Variants in DDAH1 observed in about 807,000 individuals in gnomAD.
DDAH1 encodes N(G),N(G)-dimethylarginine dimethylaminohydrolase 1.
In DDAH1, 19 loss-of-function variants were observed where a neutral mutation model predicts 28.8. The observed-to-expected ratio is 0.66, with a 90% CI of 0.46 to 0.97. The LOEUF (loss-of-function observed/expected upper bound fraction) is 0.97, where lower values mean the gene tolerates loss of function less well. Ranked by LOEUF, DDAH1 falls within the 50% of genes least tolerant of loss-of-function variation. DDAH1 has a pLI of 0.00. For synonymous variants in DDAH1, 153 were observed against 154.4 expected (o/e 0.99, Z 0.07); for missense variants, 326 against 375.9 (o/e 0.87, Z 1.10).
chr1:85,552,539 C>T (rs1396989544), intron 1 of DDAH1, among the ~76,000 whole-genome samples: 1 of 152,162 alleles, frequency 6.6e-6, no homozygotes, highest in African/African-American at 2.4e-5. Flanking sequence ...CAAGGAAGCT[C>T]CCTTAATTCT....
chr1:85,428,584 A>G lies in DDAH1; in HGVS notation c.303+36159T>C, dbSNP rs1270090654. Among the ~76,000 whole-genome samples, 4 of 152,114 alleles carry G rather than the reference A, an allele frequency of 2.6e-5. No homozygotes were observed. The South Asian group carries it at 8.3e-4, about 32-fold the overall frequency. Reference sequence around the variant, plus strand: ...CAGCCAAACCATATCAGAGACAAACACTACTTAACAAGGGTAAGGTTGTTG... The same window carrying G: ...CAGCCAAACCATATCAGAGACAAACGCTACTTAACAAGGGTAAGGTTGTTG... On this transcript the variant is annotated intron_variant, in intron 1 of 5. Coordinates refer to ENST00000284031, the MANE Select transcript of DDAH1 (RefSeq NM_012137.4).
At chr1:85,528,676 C>A (rs535212902) in intron 1 of DDAH1, among the ~76,000 whole-genome samples, 1 of 151,986 alleles carries the variant, frequency 6.6e-6, no homozygotes, top group African/African-American at 2.4e-5. Context: ...TCCTATACCC[C>A]ATCCAATTTT....
intron 1 of DDAH1, among the ~76,000 whole-genome samples, chr1:85,553,456 C>A (rs535521358): frequency 4.6e-5 from 7 of 152,184 alleles, no homozygotes; most frequent in Non-Finnish European, 1.0e-4. Context: ...CTCTAGAAAT[C>A]ATGTAGTTGC....
rs531240789 is a variant in DDAH1 at position 85,510,374 on chromosome 1, G to A, written c.-122-14093C>T. 6.6e-5 allele frequency among the ~76,000 whole-genome samples: 10 copies of A among 152,230 alleles called. No homozygotes were observed. In the East Asian group the frequency reaches 7.7e-4, roughly 12 times the overall value. ...GCACTAAACATGGAAAGAAAGAACCGGAACCAGCTGCTGCAAAAACATGCC... is the reference window on the plus strand; with the variant it reads ...GCACTAAACATGGAAAGAAAGAACCAGAACCAGCTGCTGCAAAAACATGCC... On this transcript the variant is annotated intron_variant, in intron 1 of 6. Coordinates refer to the DDAH1 transcript ENST00000426972.
chr1:85,324,299 T>TAATAATAATAATAATAATAATAAA (rs1363681922), intron 5 of DDAH1, among the ~76,000 whole-genome samples: 7 of 143,332 alleles, frequency 4.9e-5, no homozygotes, highest in South Asian at 2.2e-4. Flanking sequence ...ATAATAATAA[T>TAATAATAATAATAATAATAATAAA]AAATAAAAAA....
At chr1:85,565,801 C>T (rs925165085) in intron 1 of DDAH1, among the ~76,000 whole-genome samples, 2 of 152,178 alleles carry the variant, frequency 1.3e-5, no homozygotes, top group African/African-American at 2.4e-5. Context: ...AAAATATTGG[C>T]TGGGTGAGGT....
intron 1 of DDAH1, among the ~76,000 whole-genome samples, chr1:85,535,888 T>C (rs571023318): frequency 6.6e-6 from 1 of 152,258 alleles, no homozygotes; most frequent in Admixed American, 6.5e-5. Context: ...TAATAAACAT[T>C]TCTCGAAAGA....
At chr1:85,531,366 C>T (rs1222225045) in intron 1 of DDAH1, among the ~76,000 whole-genome samples, 27 of 152,256 alleles carry the variant, frequency 1.8e-4, no homozygotes, top group African/African-American at 5.3e-4. Flanking sequence ...GGCTACTCCA[C>T]GTGTCAATCA....
Position 85,409,452 on chromosome 1 carries a change from T to C in DDAH1, c.304-50605A>G, listed in dbSNP as rs1367653495. ...AAAGTGTAATCATCTCAACCTGACA[T>C]TCACAGTCTAACTTCCCAATTTTTC... On this transcript the variant is annotated intron_variant, in intron 1 of 5. Coordinates refer to ENST00000284031, the MANE Select transcript of DDAH1 (RefSeq NM_012137.4). 3.3e-5 allele frequency among the ~76,000 whole-genome samples: 5 copies of C among 152,224 alleles called. No homozygotes were observed. The South Asian group carries it at 8.3e-4, about 25-fold the overall frequency.
At chr1:85,511,365 A>C (rs1657225051) in intron 1 of DDAH1, among the ~76,000 whole-genome samples, 2 of 152,226 alleles carry the variant, frequency 1.3e-5, no homozygotes, top group Non-Finnish European at 2.9e-5. Context: ...GTAGAGGGAA[A>C]TTTATAGCAC....
intron 1 of DDAH1, among the ~76,000 whole-genome samples, chr1:85,463,784 G>C (rs545639181): frequency 4.0e-4 from 61 of 152,322 alleles, no homozygotes; most frequent in Admixed American, 1.4e-3. Flanking sequence ...CTAGCTTCTT[G>C]CAATGCCACT....
Position 85,485,739 on chromosome 1 carries a change from G to A in DDAH1, c.-7+10427C>T, listed in dbSNP as rs943514950. Among the ~76,000 whole-genome samples, 8 of 152,138 alleles carry A rather than the reference G, an allele frequency of 5.3e-5. 1 individual carries two copies. The South Asian group carries it at 8.3e-4, about 16-fold the overall frequency. ...CAATGGACGCATTTAAACAGCATCC[G>A]TAGGACAATTAAAGTCAATGGACTC... On this transcript the variant is annotated intron_variant, in intron 2 of 6. Coordinates refer to the DDAH1 transcript ENST00000426972.
chr1:85,346,408 G>T (rs1349614560), intron 4 of DDAH1, among the ~76,000 whole-genome samples: 1 of 152,174 alleles, frequency 6.6e-6, no homozygotes, highest in Non-Finnish European at 1.5e-5. Flanking sequence ...AAAGTCAGGA[G>T]ATAGGTGGAA....
intron 1 of DDAH1, among the ~76,000 whole-genome samples, chr1:85,365,696 GAAGTA>G (rs57601796): frequency 0.26 from 39,723 of 151,826 alleles, 5,248 homozygotes; most frequent in Middle Eastern, 0.3. Context: ...ACCACACTAG[GAAGTA>G]TAGTAGGTAG....
At chr1:85,555,999 C>CA (rs1300974938) in intron 1 of DDAH1, among the ~76,000 whole-genome samples, 1 of 152,166 alleles carries the variant, frequency 6.6e-6, no homozygotes, top group African/African-American at 2.4e-5. Context: ...TACATTTCTG[C>CA]AACACAGATA....
intron 1 of DDAH1, among the ~76,000 whole-genome samples, chr1:85,509,110 T>A (rs529967281): frequency 8.5e-5 from 13 of 152,292 alleles, no homozygotes; most frequent in African/African-American, 2.9e-4. Flanking sequence ...CCCTCTGGGA[T>A]GAAGCTTTCA....
At chr1:85,554,283 T>G (rs957489236) in intron 1 of DDAH1, among the ~76,000 whole-genome samples, 2 of 149,742 alleles carry the variant, frequency 1.3e-5, no homozygotes, top group Non-Finnish European at 3.0e-5. Flanking sequence ...AGAGTTTTTT[T>G]TTTTTTTTTT....
chr1:85,511,937 C>T (rs925524478), intron 1 of DDAH1, among the ~76,000 whole-genome samples: 1 of 152,154 alleles, frequency 6.6e-6, no homozygotes, highest in South Asian at 2.1e-4. Context: ...GGAGCTAGCA[C>T]CATTCCTTCT....
chr1:85,375,799 A>T (rs142749394), intron 1 of DDAH1, among the ~76,000 whole-genome samples: 2 of 152,248 alleles, frequency 1.3e-5, no homozygotes, highest in African/African-American at 4.8e-5. Context: ...AGAAACTCAA[A>T]CTCATTTTTG....
Sources: allele counts gnomAD v4.1 joint callset (sites outside exome capture counted in the v4.1 genomes callset), GRCh38; gene constraint gnomAD v4.1.1; transcripts MANE v1.5; gene names NCBI Gene and HGNC (gene_info 2026-07-23, HGNC 2026-07-21).